PHACTR2: variants seen among roughly 807,000 people sequenced by gnomAD.
PHACTR2 encodes the protein phosphatase and actin regulator 2.
PHACTR2 carries 30 observed loss-of-function variants against 76.0 expected under a neutral mutation model. The ratio of observed to expected loss-of-function variants is 0.39; its 90% CI spans 0.30 to 0.54. PHACTR2 has a LOEUF of 0.54. Ranked by LOEUF, PHACTR2 falls within the 20% of genes least tolerant of loss-of-function variation. The pLI, the probability that PHACTR2 is intolerant of heterozygous loss-of-function variation, is 0.61. For missense variants in PHACTR2, 696 were observed against 781.1 expected (o/e 0.89, Z 1.30); for synonymous variants, 292 against 292.5 (o/e 1.00, Z 0.02).
chr6:143,668,152 G>C (rs1263865676), intron 1 of PHACTR2, among the ~76,000 whole-genome samples: 1 of 152,090 alleles, frequency 6.6e-6, no homozygotes, highest in Non-Finnish European at 1.5e-5. Context: ...TTTGTCATTC[G>C]TTCTGTTTAT....
Position 143,625,766 on chromosome 6 carries a change from C to T in PHACTR2, c.13+17444C>T, listed in dbSNP as rs1195430421. 6.6e-6 allele frequency among the ~76,000 whole-genome samples: 1 copy of T among 152,122 alleles called. No homozygotes were observed. The highest frequency in any genetic ancestry group is 1.5e-5 in the Non-Finnish European group (1 of 68,032). On this transcript the variant is annotated intron_variant, in intron 1 of 11. Coordinates refer to the PHACTR2 transcript ENST00000305766. The surrounding 1 kb of genome is among the most constrained non-coding windows in gnomAD (Gnocchi z 4.3). Reference sequence around the variant, plus strand: ...TGCAGTGAATGGGGCAGTGATGAGACACATGGAGTCCCTGCTCCCATGGAG... The same window carrying T: ...TGCAGTGAATGGGGCAGTGATGAGATACATGGAGTCCCTGCTCCCATGGAG...
intron 2 of PHACTR2, among the ~76,000 whole-genome samples, chr6:143,746,835 T>TA (rs5880572): frequency 0.13 from 18,510 of 143,656 alleles, 1,197 homozygotes; most frequent in Middle Eastern, 0.19. Context: ...ACACCCAGTT[T>TA]AAAAAAAAAA....
At chr6:143,756,715 A>AT (rs1491180014) in intron 4 of PHACTR2, among the ~76,000 whole-genome samples, 1 of 138,810 alleles carries the variant, frequency 7.2e-6, no homozygotes, top group Non-Finnish European at 1.6e-5. Context: ...AAAAAAAAAA[A>AT]GAGCAGAAAA....
chr6:143,798,194 CTGTT>C lies in PHACTR2; in HGVS notation c.1846-8859_1846-8856del, dbSNP rs1318658806. ...GGGAGTTCACTCATGATTTGGCTCT[CTGTT>C]TGTCTGTTATTGATGTATAGGAATG... On this transcript the variant is annotated intron_variant, in intron 11 of 12. Coordinates refer to ENST00000440869, the MANE Select transcript of PHACTR2 (RefSeq NM_001100164.2). Among the ~76,000 whole-genome samples, 5 of 152,264 alleles carry C rather than the reference CTGTT, an allele frequency of 3.3e-5. No individual in the cohort carries two copies. In the East Asian group the frequency reaches 5.8e-4, roughly 18 times the overall value.
chr6:143,729,184 T>C (rs1778645591), intron 2 of PHACTR2, among the ~76,000 whole-genome samples: 1 of 152,138 alleles, frequency 6.6e-6, no homozygotes, highest in African/African-American at 2.4e-5. Context: ...GTTTTTTAAT[T>C]GGGTTATTTG....
In PHACTR2 at chr6:143,774,828, TG is replaced by T. The variant is rs1017315228; in HGVS notation, c.1589+614del. Among the ~76,000 whole-genome samples the T allele has an allele frequency of 3.3e-5, 5 of 152,360 alleles. No individual in the cohort carries two copies. Among genetic ancestry groups the T allele is most frequent in the African/African-American group, 9.6e-5 (4 of 41,584 alleles). On this transcript the variant is annotated intron_variant, in intron 8 of 12. Coordinates refer to ENST00000440869, the MANE Select transcript of PHACTR2 (RefSeq NM_001100164.2). The surrounding 1 kb of genome is among the most constrained non-coding windows in gnomAD (Gnocchi z 5.4). ...AAATGGATCATCTGACATCTCTTCC[TG>T]CCTCCAACCATTGTATAGGATTTTT... is the stretch of plus-strand genomic sequence containing the variant.
At position 143,780,514 on chromosome 6, in the gene PHACTR2, C is replaced by CA. The variant is rs1357452447; in HGVS notation, c.1646-2698dup. ...AAAAGCAGAAAGAAAAACAAATCCA[C>CA]AAAAAAATTTGGCTTTTTGAACCCA... is the stretch of plus-strand genomic sequence containing the variant. On this transcript the variant is annotated intron_variant, in intron 9 of 12. Transcript: ENST00000440869. This position sits in a 1 kb window ranked among gnomAD's most constrained non-coding sequence, Gnocchi z 4.4. 1.4e-4 allele frequency among the ~76,000 whole-genome samples: 22 copies of CA among 152,250 alleles called. No individual in the cohort carries two copies. The highest frequency in any genetic ancestry group is 1.4e-3 in the Admixed American group (22 of 15,294).
chr6:143,712,046 A>C lies in PHACTR2; in HGVS notation c.77A>C (p.Asn26Thr). The change falls in exon 2 of 13, where the codon AAC becomes ACC. Residue 26 changes from asparagine to threonine, a missense_variant. Around this residue, in one of 2 missense-constraint regions of PHACTR2, gnomAD observed 460 missense variants for 450.9 expected, o/e 1.02. Transcript: ENST00000440869. ...VDGLDKASIA[N>T]SDGPTAGSQT... The stretch of plus-strand genomic sequence containing the variant: ...GGACTGGACAAAGCTTCTATAGCAA[A>C]CTCAGATGGCCCCACAGCAGGTTCC... The C allele has an allele frequency of 6.3e-7, 1 of 1,592,094 alleles. No individual in the cohort carries two copies. Among genetic ancestry groups the C allele is most frequent in the Non-Finnish European group, 8.5e-7 (1 of 1,171,854 alleles).
chr6:143,724,909 T>C (rs1352701073), intron 2 of PHACTR2, among the ~76,000 whole-genome samples: 2 of 152,224 alleles, frequency 1.3e-5, no homozygotes, highest in South Asian at 2.1e-4. Context: ...CAGTGTGGAC[T>C]CCTGAGATTC....
At position 143,562,794 on chromosome 6, in the gene PHACTR2, A is replaced by G. The variant is rs1775300333; in HGVS notation, c.217+25587A>G. On this transcript the variant is annotated intron_variant, in intron 1 of 11. Transcript: ENST00000367584. The surrounding 1 kb of genome is among the most constrained non-coding windows in gnomAD (Gnocchi z 5.1). ...AATTAACAAAATATGGTATTTATGT[A>G]CATGAGTATTATCCAGCCATAAAGA... Among the ~76,000 whole-genome samples the G allele has an allele frequency of 6.6e-6, 1 of 152,258 alleles. No homozygotes were observed. Among genetic ancestry groups the G allele is most frequent in the South Asian group, 2.1e-4 (1 of 4,834 alleles).
Position 143,807,216 on chromosome 6 carries a change from A to G in PHACTR2, c.1922+83A>G. The G allele has an allele frequency of 1.3e-6, 1 of 783,376 alleles. No individual in the cohort carries two copies. 48.5% of individuals were successfully genotyped at this position (783,376 alleles called of 1,614,324 possible). Reference sequence around the variant, plus strand: ...AGTTGGTTAAAAAAAGAAATTGCTTACAATGGTAAATTTTATGATAGGTAT... The same window carrying G: ...AGTTGGTTAAAAAAAGAAATTGCTTGCAATGGTAAATTTTATGATAGGTAT... On this transcript the variant is annotated intron_variant, in intron 12 of 12. Transcript: ENST00000440869. The surrounding 1 kb of genome is among the most constrained non-coding windows in gnomAD (Gnocchi z 5.5).
Position 143,689,179 on chromosome 6 carries a change from C to T in PHACTR2, c.46+10970C>T, listed in dbSNP as rs575710942. ...TCATAGAGACCTTCCCTGCCTACCC[C>T]TCTCCAGAATAACCCACCCAGGTCC... On this transcript the variant is annotated intron_variant, in intron 1 of 12. Transcript: ENST00000440869. The surrounding 1 kb of genome is among the most constrained non-coding windows in gnomAD (Gnocchi z 4.4). 6.6e-6 allele frequency among the ~76,000 whole-genome samples: 1 copy of T among 152,342 alleles called. No homozygotes were observed. The highest frequency in any genetic ancestry group is 1.5e-5 in the Non-Finnish European group (1 of 68,044).
At chr6:143,729,313 A>G (rs1158489101) in intron 2 of PHACTR2, among the ~76,000 whole-genome samples, 1 of 152,160 alleles carries the variant, frequency 6.6e-6, no homozygotes, top group Non-Finnish European at 1.5e-5. Flanking sequence ...TTCTTATAAC[A>G]GTACCTTTTG....
intron 1 of PHACTR2, among the ~76,000 whole-genome samples, chr6:143,560,897 G>A (rs1775261381): frequency 6.7e-6 from 1 of 149,810 alleles, no homozygotes; most frequent in African/African-American, 2.4e-5. Flanking sequence ...GTGTGTGTGT[G>A]TGTGTGTGTG....
At chr6:143,635,732 G>A (rs1332638851) in intron 1 of PHACTR2, among the ~76,000 whole-genome samples, 5 of 152,206 alleles carry the variant, frequency 3.3e-5, no homozygotes, top group South Asian at 2.1e-4. Flanking sequence ...CTTTAAGGTC[G>A]TCTTGTTGAT....
chr6:143,624,741 T>C lies in PHACTR2; in HGVS notation c.13+16419T>C, dbSNP rs919246425. Among the ~76,000 whole-genome samples the C allele has an allele frequency of 2.0e-5, 3 of 152,060 alleles. No individual in the cohort carries two copies. The highest frequency in any genetic ancestry group is 4.4e-5 in the Non-Finnish European group (3 of 68,026). ...GCCCTGGATCAGCTGAGGTGGTTAC[T>C]AGAGAGGCTGAGTGTGTAAAGGCTT... is the stretch of plus-strand genomic sequence containing the variant. On this transcript the variant is annotated intron_variant, in intron 1 of 11. Transcript: ENST00000305766. The surrounding 1 kb of genome is among the most constrained non-coding windows in gnomAD (Gnocchi z 4.6).
Position 143,710,940 on chromosome 6 carries a change from A to G in PHACTR2, c.47-1076A>G, listed in dbSNP as rs1189607098. On this transcript the variant is annotated intron_variant, in intron 1 of 12. Coordinates refer to ENST00000440869, the MANE Select transcript of PHACTR2 (RefSeq NM_001100164.2). This position sits in a 1 kb window ranked among gnomAD's most constrained non-coding sequence, Gnocchi z 4.9. ...ATCTGCCTTTTCCATCTATCTATCC[A>G]GTTATTATTTTTGACGGACATCAGT... is the stretch of plus-strand genomic sequence containing the variant. 2.2e-6 allele frequency: 1 copy of G among 450,810 alleles called. No homozygotes were observed. The highest frequency in any genetic ancestry group is 2.0e-5 in the African/African-American group (1 of 49,016). The allele number at this position is 450,810 out of a possible 1,614,324, so 27.9% of individuals were successfully genotyped here.
In PHACTR2 at chr6:143,822,670, A is replaced by T. The variant is rs1776448864; in HGVS notation, c.1923-1004A>T. ...CCAGAGCAGATGAGCATTCGACTGT[A>T]GAAGACAGAGTGAAATGCTAGGCAG... On this transcript the variant is annotated intron_variant, in intron 12 of 12. Coordinates refer to ENST00000440869, the MANE Select transcript of PHACTR2 (RefSeq NM_001100164.2). This position sits in a 1 kb window ranked among gnomAD's most constrained non-coding sequence, Gnocchi z 5.5. Among the ~76,000 whole-genome samples the T allele has an allele frequency of 6.6e-6, 1 of 152,234 alleles. No individual in the cohort carries two copies. The highest frequency in any genetic ancestry group is 1.5e-5 in the Non-Finnish European group (1 of 68,044).
rs1778747972 is a variant in PHACTR2, at chr6:143,733,356, A to C, written c.215-15629A>C. ...GATTTTTGTTTTCTTCTTTGGTGAG[A>C]TCTCAAAGAAACTTGTATAGTGCCT... is the stretch of plus-strand genomic sequence containing the variant. On this transcript the variant is annotated intron_variant, in intron 2 of 12. Coordinates refer to ENST00000440869, the MANE Select transcript of PHACTR2 (RefSeq NM_001100164.2). This position sits in a 1 kb window ranked among gnomAD's most constrained non-coding sequence, Gnocchi z 4.0. 2.0e-5 allele frequency among the ~76,000 whole-genome samples: 3 copies of C among 152,120 alleles called. No homozygotes were observed. Among genetic ancestry groups the C allele is most frequent in the African/African-American group, 7.2e-5 (3 of 41,412 alleles).
Sources: allele counts gnomAD v4.1 joint callset (sites outside exome capture counted in the v4.1 genomes callset), GRCh38; gene constraint gnomAD v4.1.1; regional missense constraint gnomAD v4.1.1; non-coding constraint Gnocchi (gnomAD v3.1); transcripts MANE v1.5; gene names NCBI Gene and HGNC (gene_info 2026-07-23, HGNC 2026-07-21).